MDGA2: variants seen among roughly 807,000 people sequenced by gnomAD.
MDGA2 encodes MAM domain-containing glycosylphosphatidylinositol anchor protein 2.
MDGA2 carries 40 observed loss-of-function variants against 117.8 expected under a neutral mutation model. The ratio of observed to expected loss-of-function variants is 0.34; its 90% CI spans 0.26 to 0.44. MDGA2 has a LOEUF of 0.44. Ranked by LOEUF, MDGA2 falls within the 20% of genes least tolerant of loss-of-function variation. MDGA2 has a pLI of 1.00. For missense variants in MDGA2, 1,123 were observed against 1,250.6 expected, an observed-to-expected ratio of 0.90 and a Z score of 1.54; for synonymous variants, 452 against 439.0, an observed-to-expected ratio of 1.03 and a Z score of -0.37.
At chr14:47,014,818 G>A (rs529552248) in intron 8 of MDGA2, among the ~76,000 whole-genome samples, 1 of 152,184 alleles carries the variant, frequency 6.6e-6, no homozygotes, top group Non-Finnish European at 1.5e-5. Context: ...TTATCATCTG[G>A]TGTTCACTGG....
intron 1 of MDGA2, among the ~76,000 whole-genome samples, chr14:47,564,791 C>T (rs1895885123): frequency 6.6e-6 from 1 of 152,214 alleles, no homozygotes; most frequent in South Asian, 2.1e-4. Flanking sequence ...TCCAATATTT[C>T]TCAGAGGTTT....
intron 1 of MDGA2, among the ~76,000 whole-genome samples, chr14:47,422,962 T>C (rs965456689): frequency 2.0e-5 from 3 of 152,210 alleles, no homozygotes; most frequent in Non-Finnish European, 4.4e-5. Flanking sequence ...CGACAGATTT[T>C]ACCTGTTAAT....
At chr14:47,162,826 C>G (rs1883699295) in intron 3 of MDGA2, among the ~76,000 whole-genome samples, 1 of 150,566 alleles carries the variant, frequency 6.6e-6, no homozygotes, top group African/African-American at 2.5e-5. Flanking sequence ...ATTTGATCCC[C>G]ATTTCCAATT....
intron 3 of MDGA2, among the ~76,000 whole-genome samples, chr14:47,164,173 T>A (rs950742401): frequency 5.3e-5 from 8 of 152,324 alleles, no homozygotes; most frequent in Admixed American, 3.9e-4. Flanking sequence ...TATTAATCAA[T>A]AGATATAGCT....
At chr14:47,603,934 T>C (rs974174854) in intron 1 of MDGA2, among the ~76,000 whole-genome samples, 4 of 152,298 alleles carry the variant, frequency 2.6e-5, no homozygotes, top group Non-Finnish European at 4.4e-5. Context: ...GCTCTTGCCA[T>C]GTGAAGTGCC....
chr14:47,594,469 A>G (rs1008153259), intron 1 of MDGA2, among the ~76,000 whole-genome samples: 2 of 152,178 alleles, frequency 1.3e-5, no homozygotes, highest in Non-Finnish European at 2.9e-5. Flanking sequence ...GGACCCACAG[A>G]GTTGTTTTCA....
At chr14:46,992,838 C>A in intron 8 of MDGA2, among the ~76,000 whole-genome samples, 1 of 152,066 alleles carries the variant, frequency 6.6e-6, no homozygotes. Context: ...TCCATGTCTC[C>A]CCTGATGATT....
chr14:47,488,382 G>A (rs1259342938), intron 1 of MDGA2, among the ~76,000 whole-genome samples: 1 of 152,086 alleles, frequency 6.6e-6, no homozygotes, highest in Non-Finnish European at 1.5e-5. Context: ...CAGATTCAGG[G>A]AAATTATTAT....
chr14:46,957,641 G>C lies in MDGA2; in HGVS notation c.1822C>G (p.Pro608Ala). 2 of 1,613,990 alleles carry C rather than the reference G, an allele frequency of 1.2e-6. No homozygotes were observed. The highest frequency in any genetic ancestry group is 1.7e-6 in the Non-Finnish European group (2 of 1,179,912). The change falls in exon 9 of 17, where the codon CCC (proline) becomes GCC (alanine). Residue 608 changes from proline (P) to alanine (A), a missense_variant and splice_region_variant. Physicochemically the swap from Pro to Ala is conservative, Grantham distance 27. Around this residue, in one of 2 missense-constraint regions of MDGA2, gnomAD observed 890 missense variants for 1,050.3 expected, o/e 0.85. Transcript: ENST00000399232. Reference protein sequence around the residue: ...EALVQLIVQYPPAVEPAFLEI... With the variant: ...EALVQLIVQYAPAVEPAFLEI... ...AAGAATGCTGGTTCCACTGCAGGGG[G>C]ATCTGTAGAAAAGATATGTAAAAAC...
intron 6 of MDGA2, among the ~76,000 whole-genome samples, chr14:47,094,576 C>G (rs536945024): frequency 6.6e-6 from 1 of 152,142 alleles, no homozygotes; most frequent in East Asian, 1.9e-4. Flanking sequence ...CATCATTTTT[C>G]TCTAACAAGT....
intron 3 of MDGA2, among the ~76,000 whole-genome samples, chr14:47,174,941 A>C (rs59466831): frequency 0.15 from 22,395 of 152,098 alleles, 2,063 homozygotes; most frequent in East Asian, 0.39. Flanking sequence ...AATCAAATAG[A>C]TGCAATAAAA....
At chr14:46,971,163 C>CA (rs564794483) in intron 8 of MDGA2, among the ~76,000 whole-genome samples, 10 of 151,642 alleles carry the variant, frequency 6.6e-5, no homozygotes, top group East Asian at 1.9e-4. Context: ...GACAATTACT[C>CA]AAAAAAAATA....
intron 14 of MDGA2, chr14:46,871,830 C>A: frequency 6.3e-6 from 2 of 316,340 alleles, no homozygotes; most frequent in South Asian, 2.7e-5. Flanking sequence ...CTCCTGACTT[C>A]AAGTTTATAG....
intron 2 of MDGA2, among the ~76,000 whole-genome samples, chr14:47,281,710 T>G (rs980140351): frequency 6.6e-6 from 1 of 152,176 alleles, no homozygotes; most frequent in Non-Finnish European, 1.5e-5. Context: ...AAAATGCTGA[T>G]TTTTGAATTC....
chr14:47,171,356 C>T (rs1884125081), intron 3 of MDGA2, among the ~76,000 whole-genome samples: 1 of 151,842 alleles, frequency 6.6e-6, no homozygotes, highest in Admixed American at 6.6e-5. Context: ...GCCATAAAAA[C>T]AAGTAAAAAT....
At chr14:47,304,227 T>C (rs1358848851) in intron 1 of MDGA2, among the ~76,000 whole-genome samples, 1 of 152,096 alleles carries the variant, frequency 6.6e-6, no homozygotes, top group Non-Finnish European at 1.5e-5. Flanking sequence ...GACCTTAGAG[T>C]TCATATAGGT....
chr14:46,878,140 C>A (rs569353997), intron 11 of MDGA2, among the ~76,000 whole-genome samples: 127 of 151,804 alleles, frequency 8.4e-4, no homozygotes, highest in African/African-American at 2.7e-3. Flanking sequence ...TCTGGGGTAC[C>A]AAAAGAATTT....
chr14:47,345,198 C>G (rs1890738613), intron 1 of MDGA2, among the ~76,000 whole-genome samples: 1 of 152,062 alleles, frequency 6.6e-6, no homozygotes, highest in Non-Finnish European at 1.5e-5. Flanking sequence ...AGGAGTAGTT[C>G]TACAGTTCTG....
chr14:47,061,822 T>G (rs1889894668), intron 6 of MDGA2, among the ~76,000 whole-genome samples: 1 of 152,020 alleles, frequency 6.6e-6, no homozygotes, highest in Admixed American at 6.6e-5. Context: ...GGTAAGATTT[T>G]CCAGTGATAT....
Sources: allele counts gnomAD v4.1 joint callset (sites outside exome capture counted in the v4.1 genomes callset), GRCh38; gene constraint gnomAD v4.1.1; regional missense constraint gnomAD v4.1.1; transcripts MANE v1.5; gene names NCBI Gene and HGNC (gene_info 2026-07-23, HGNC 2026-07-21).